SIL1: variants seen among roughly 807,000 people sequenced by gnomAD.
SIL1 encodes the protein nucleotide exchange factor SIL1.
In SIL1, 40 loss-of-function variants were observed where a neutral mutation model predicts 49.1. The ratio of observed to expected loss-of-function variants is 0.81; its 90% CI spans 0.63 to 1.06. The LOEUF is 1.06. Among genes scored for constraint, SIL1 ranks in the 50% least tolerant of loss-of-function variants. The probability of loss-of-function intolerance (pLI) is 0.00; values close to 1 mark genes in which losing one functional copy is unlikely to be tolerated. For missense variants in SIL1, 500 were observed against 572.6 expected (o/e 0.87, Z 1.29); for synonymous variants, 253 against 250.8 (o/e 1.01, Z -0.08).
chr5:138,950,730 G>A (rs1463195623), intron 9 of SIL1, among the ~76,000 whole-genome samples: 1 of 152,202 alleles, frequency 6.6e-6, no homozygotes, highest in Non-Finnish European at 1.5e-5. Context: ...ACTCTCAAGG[G>A]CAGCCACTCT....
At chr5:139,020,093 T>A (rs1581035575) in intron 7 of SIL1, among the ~76,000 whole-genome samples, 1 of 151,942 alleles carries the variant, frequency 6.6e-6, no homozygotes, top group Non-Finnish European at 1.5e-5. Flanking sequence ...CCAAGGGAGG[T>A]GGAGTTGCCC....
intron 5 of SIL1, chr5:139,035,698 G>A (rs529086895): frequency 4.1e-6 from 1 of 243,050 alleles, no homozygotes; most frequent in East Asian, 1.3e-4. Context: ...CGCCAGGCTG[G>A]AGTGCAGCGG....
rs190681587 is a variant in SIL1, at chr5:139,025,792, T to A, written c.645+1009A>T. Among the ~76,000 whole-genome samples, 176 of 152,322 alleles carry A rather than the reference T, an allele frequency of 1.2e-3. 2 individuals are homozygous for A. The East Asian group carries it at 0.028, about 24-fold the overall frequency. On this transcript the variant is annotated intron_variant, in intron 6 of 9. Transcript: ENST00000394817. ...TGCTCTAATCTAAGGATTGGCAAAC[T>A]TTTTCTAAAGGGCCTGGTAGTAAAT...
chr5:138,985,772 G>A (rs1767637045), intron 7 of SIL1, among the ~76,000 whole-genome samples: 1 of 152,168 alleles, frequency 6.6e-6, no homozygotes, highest in Non-Finnish European at 1.5e-5. Context: ...AGGGGCCCCT[G>A]TACATATTTG....
In SIL1 at chr5:139,072,361, G is replaced by T. The variant is rs184483834; in HGVS notation, c.245-21315C>A. Among the ~76,000 whole-genome samples, 637 of 152,206 alleles carry T rather than the reference G, an allele frequency of 4.2e-3. 7 individuals carry two copies. The highest frequency in any genetic ancestry group is 0.01 in the African/African-American group (422 of 41,536). ...TAGAGATGAATTCAACGAATCAAAAGTATATTGCGAATATAAAACCAGAAA... is the reference window on the plus strand; with the variant it reads ...TAGAGATGAATTCAACGAATCAAAATTATATTGCGAATATAAAACCAGAAA... On this transcript the variant is annotated intron_variant, in intron 3 of 9. Coordinates refer to ENST00000394817, the MANE Select transcript of SIL1 (RefSeq NM_022464.5).
Position 138,947,639 on chromosome 5 carries a change from A to T in SIL1, c.1030-166T>A, listed in dbSNP as rs749600669. Among the ~76,000 whole-genome samples the T allele has an allele frequency of 4.6e-5, 7 of 152,172 alleles. No homozygotes were observed. The highest frequency in any genetic ancestry group is 7.3e-5 in the Non-Finnish European group (5 of 68,038). ...TATCCCCAAGTCTGTCTGTCTATTC[A>T]TTCATTCATCCACCAACAGAAACAC... On this transcript the variant is annotated intron_variant, in intron 9 of 9. Transcript: ENST00000394817. The surrounding 1 kb of genome is among the most constrained non-coding windows in gnomAD (Gnocchi z 4.1).
chr5:139,083,530 T>G (rs942673623), intron 3 of SIL1, among the ~76,000 whole-genome samples: 2 of 106,194 alleles, frequency 1.9e-5, no homozygotes, highest in Non-Finnish European at 3.7e-5. Flanking sequence ...TGGGGTTGTT[T>G]GTTTTTTTCT....
intron 1 of SIL1, among the ~76,000 whole-genome samples, chr5:139,195,901 T>C (rs996034775): frequency 1.3e-5 from 2 of 152,314 alleles, no homozygotes; most frequent in African/African-American, 4.8e-5. Flanking sequence ...TAAATATATA[T>C]AGGCTGTGTG....
chr5:139,035,642 CTTTTTT>C, intron 5 of SIL1: 38 of 159,128 alleles, frequency 2.4e-4, no homozygotes, highest in East Asian at 6.3e-4. Flanking sequence ...AGGTATACAA[CTTTTTT>C]TTTTTTTTTT....
intron 1 of SIL1, among the ~76,000 whole-genome samples, chr5:139,148,496 G>GT (rs1384810211): frequency 9.9e-5 from 15 of 152,218 alleles, no homozygotes; most frequent in Non-Finnish European, 1.8e-4. Context: ...CAGATTTGCT[G>GT]TAAGGGGATG....
chr5:139,040,492 T>C (rs1247940209), intron 5 of SIL1, among the ~76,000 whole-genome samples: 1 of 90,292 alleles, frequency 1.1e-5, no homozygotes, highest in Non-Finnish European at 1.9e-5. Context: ...TTCTTTTTTC[T>C]TTTTTCTTTT....
At chr5:139,148,905 G>A (rs1376619044) in intron 1 of SIL1, among the ~76,000 whole-genome samples, 22 of 152,138 alleles carry the variant, frequency 1.4e-4, no homozygotes, top group Admixed American at 1.4e-3. Flanking sequence ...TCCATCCTGA[G>A]TCTCACTGCT....
At chr5:139,195,420 G>A (rs1177728868) in intron 1 of SIL1, among the ~76,000 whole-genome samples, 2 of 152,000 alleles carry the variant, frequency 1.3e-5, no homozygotes, top group Non-Finnish European at 2.9e-5. Context: ...ACGGAGTCTC[G>A]CTCTGTCGCC....
At position 139,167,196 on chromosome 5, in the gene SIL1, C is replaced by G. The variant is rs183834061; in HGVS notation, c.-11+31073G>C. 1.0e-3 allele frequency among the ~76,000 whole-genome samples: 154 copies of G among 150,794 alleles called. No individual in the cohort carries two copies. The Middle Eastern group carries it at 0.01, about 10-fold the overall frequency. ...TCCTGAACTCCTGGGCTCAAGTAACCCCCACCCCCCGCCTCAGCCTCCCAA... is the reference window on the plus strand; with the variant it reads ...TCCTGAACTCCTGGGCTCAAGTAACGCCCACCCCCCGCCTCAGCCTCCCAA... On this transcript the variant is annotated intron_variant, in intron 1 of 9. Transcript: ENST00000394817.
At chr5:139,097,724 C>T (rs898603540) in intron 3 of SIL1, among the ~76,000 whole-genome samples, 1 of 152,124 alleles carries the variant, frequency 6.6e-6, no homozygotes, top group Admixed American at 6.6e-5. Flanking sequence ...GATCTGCCCA[C>T]CTCGGCCTCC....
chr5:139,167,506 C>T (rs562513212), intron 1 of SIL1, among the ~76,000 whole-genome samples: 1 of 152,272 alleles, frequency 6.6e-6, no homozygotes, highest in Admixed American at 6.5e-5. Flanking sequence ...AAATTAAAAA[C>T]TGCTAATAGA....
At chr5:139,073,059 G>T (rs113383147) in intron 3 of SIL1, among the ~76,000 whole-genome samples, 4 of 152,320 alleles carry the variant, frequency 2.6e-5, no homozygotes, top group African/African-American at 9.6e-5. Context: ...AAAGAAAAGT[G>T]TTGGCAAGGA....
chr5:138,956,086 C>T (rs1385381883), intron 7 of SIL1, among the ~76,000 whole-genome samples: 4 of 152,228 alleles, frequency 2.6e-5, no homozygotes, highest in African/African-American at 4.8e-5. Context: ...CTCACTCACG[C>T]GTCCTCGTGA....
At chr5:138,997,015 C>G (rs972418183) in intron 7 of SIL1, among the ~76,000 whole-genome samples, 8 of 152,168 alleles carry the variant, frequency 5.3e-5, no homozygotes, top group African/African-American at 1.7e-4. Flanking sequence ...TCACTATAAC[C>G]TTGAATTCCA....
Sources: allele counts gnomAD v4.1 joint callset (sites outside exome capture counted in the v4.1 genomes callset), GRCh38; gene constraint gnomAD v4.1.1; non-coding constraint Gnocchi (gnomAD v3.1); transcripts MANE v1.5; gene names NCBI Gene and HGNC (gene_info 2026-07-23, HGNC 2026-07-21).